Variants in GMDS observed in about 807,000 individuals in gnomAD.
GMDS encodes the protein GDP-mannose 4,6-dehydratase, also known as GDP-mannose 4,6 dehydratase.
Under a neutral mutation model 49.9 loss-of-function variants are expected in GMDS, and 20 were observed. The observed-to-expected ratio is 0.40, with a 90% CI of 0.28 to 0.58. The LOEUF is 0.58. Among genes scored for constraint, GMDS ranks in the 20% least tolerant of loss-of-function variants. The pLI, the probability that GMDS is intolerant of heterozygous loss-of-function variation, is 0.42. For synonymous variants in GMDS, 177 were observed against 178.6 expected, an observed-to-expected ratio of 0.99 and a Z score of 0.07; for missense variants, 362 against 481.4, an observed-to-expected ratio of 0.75 and a Z score of 2.32.
intron 4 of GMDS, among the ~76,000 whole-genome samples, chr6:2,042,778 AT>A (rs1769763422): frequency 6.6e-6 from 1 of 152,142 alleles, no homozygotes; most frequent in African/African-American, 2.4e-5. Flanking sequence ...GAAACTTAAT[AT>A]TTTTTAAAGA....
At chr6:1,887,209 T>C (rs1482447284) in intron 7 of GMDS, among the ~76,000 whole-genome samples, 2 of 152,138 alleles carry the variant, frequency 1.3e-5, no homozygotes, top group Non-Finnish European at 2.9e-5. Context: ...CAAGTAGATA[T>C]CATTACCACT....
At chr6:1,650,137 TTTTCC>T (rs1367108738) in intron 9 of GMDS, among the ~76,000 whole-genome samples, 6 of 152,196 alleles carry the variant, frequency 3.9e-5, no homozygotes, top group African/African-American at 1.4e-4. Context: ...GATGGCCTCC[TTTTCC>T]TTTCCTCATC....
At chr6:1,728,945 T>TAA (rs1403274959) in intron 8 of GMDS, among the ~76,000 whole-genome samples, 6 of 135,746 alleles carry the variant, frequency 4.4e-5, no homozygotes, top group South Asian at 2.4e-4. Context: ...TCCAGGACAG[T>TAA]AAAAAAAAAA....
At chr6:1,813,235 A>C (rs866940871) in intron 7 of GMDS, among the ~76,000 whole-genome samples, 4 of 151,350 alleles carry the variant, frequency 2.6e-5, no homozygotes, top group South Asian at 2.1e-4. Context: ...AAAAAAAAAA[A>C]AAAAAAAAAA....
At position 1,766,663 on chromosome 6, in the gene GMDS, C is replaced by A. The variant is rs1768367063; in HGVS notation, c.772-24077G>T. ...GCAGAGGCTCTCCCCTTCTAGAAGGCCCAGCAAGCGCCCCGTTTCCCACAG... is the reference window on the plus strand; with the variant it reads ...GCAGAGGCTCTCCCCTTCTAGAAGGACCAGCAAGCGCCCCGTTTCCCACAG... On this transcript the variant is annotated intron_variant, in intron 7 of 10. Coordinates refer to ENST00000380815, the MANE Select transcript of GMDS (RefSeq NM_001500.4). This position sits in a 1 kb window ranked among gnomAD's most constrained non-coding sequence, Gnocchi z 4.5. Among the ~76,000 whole-genome samples, 1 of 152,168 alleles carries A rather than the reference C, an allele frequency of 6.6e-6. No homozygotes were observed. The highest frequency in any genetic ancestry group is 6.5e-5 in the Admixed American group (1 of 15,284).
intron 7 of GMDS, among the ~76,000 whole-genome samples, chr6:1,769,300 T>C (rs1357370677): frequency 1.3e-5 from 2 of 152,172 alleles, no homozygotes; most frequent in African/African-American, 4.8e-5. Flanking sequence ...GTAAACAGAA[T>C]TCTGGAATGT....
At chr6:2,034,448 G>A (rs1295971943) in intron 4 of GMDS, among the ~76,000 whole-genome samples, 3 of 152,120 alleles carry the variant, frequency 2.0e-5, no homozygotes, top group Admixed American at 2.0e-4. Context: ...CTTTCTGTTC[G>A]GGGTGATGAC....
chr6:2,228,605 A>G (rs1780928539), intron 1 of GMDS, among the ~76,000 whole-genome samples: 2 of 152,218 alleles, frequency 1.3e-5, no homozygotes, highest in South Asian at 4.1e-4. Flanking sequence ...AAATCCTTCC[A>G]AAGAAAACTT....
chr6:1,782,272 T>A (rs1031270384), intron 7 of GMDS, among the ~76,000 whole-genome samples: 33 of 152,154 alleles, frequency 2.2e-4, no homozygotes, highest in African/African-American at 8.0e-4. Context: ...ACCAAACCAA[T>A]AAGCCTAAAC....
chr6:2,093,390 T>C (rs1773426464), intron 4 of GMDS, among the ~76,000 whole-genome samples: 1 of 152,280 alleles, frequency 6.6e-6, no homozygotes, highest in Non-Finnish European at 1.5e-5. Flanking sequence ...AAAACAAAAA[T>C]ATAAATTTGA....
rs772216338 is a variant in GMDS at position 1,635,663 on chromosome 6, C to T, written c.988-11123G>A. ...CTGAGGGTCTGTGCTGTGCAAAGCC[C>T]ACCGGGGGGTGTGGCCCTCAAGTCT... On this transcript the variant is annotated intron_variant, in intron 9 of 10. Transcript: ENST00000380815. This position sits in a 1 kb window ranked among gnomAD's most constrained non-coding sequence, Gnocchi z 4.7. Among the ~76,000 whole-genome samples the T allele has an allele frequency of 6.6e-6, 1 of 152,170 alleles. No individual in the cohort carries two copies. Among genetic ancestry groups the T allele is most frequent in the Non-Finnish European group, 1.5e-5 (1 of 68,034 alleles).
chr6:1,990,470 C>A (rs1765863234), intron 4 of GMDS, among the ~76,000 whole-genome samples: 1 of 152,198 alleles, frequency 6.6e-6, no homozygotes, highest in African/African-American at 2.4e-5. Context: ...CACTTTCTTT[C>A]AGTAATCTGG....
At chr6:1,988,357 A>T (rs957739830) in intron 4 of GMDS, among the ~76,000 whole-genome samples, 10 of 134 alleles carry the variant, frequency 0.075, no homozygotes, top group Admixed American at 0.19. Flanking sequence ...ATACAAGTTA[A>T]AAAAAAAAAA....
At chr6:1,994,639 A>C (rs1766164078) in intron 4 of GMDS, among the ~76,000 whole-genome samples, 1 of 151,908 alleles carries the variant, frequency 6.6e-6, no homozygotes, top group Non-Finnish European at 1.5e-5. Flanking sequence ...GCACAATCAG[A>C]AGTATGGGCA....
intron 9 of GMDS, among the ~76,000 whole-genome samples, chr6:1,632,404 C>A (rs953396278): frequency 1.3e-5 from 2 of 152,096 alleles, no homozygotes; most frequent in Admixed American, 6.5e-5. Context: ...GTTATAGAAA[C>A]GAGACTGGAG....
intron 1 of GMDS, among the ~76,000 whole-genome samples, chr6:2,126,466 G>C (rs1006652104): frequency 5.3e-5 from 8 of 152,150 alleles, no homozygotes; most frequent in Non-Finnish European, 2.9e-5. Context: ...CTTATTACTT[G>C]ACCAAAAGCT....
chr6:2,231,880 G>A (rs1018476577), intron 1 of GMDS, among the ~76,000 whole-genome samples: 5 of 152,154 alleles, frequency 3.3e-5, no homozygotes, highest in South Asian at 2.1e-4. Flanking sequence ...TTTCGGTTCT[G>A]AGCAAATGAA....
chr6:1,860,267 C>T (rs914388098), intron 7 of GMDS, among the ~76,000 whole-genome samples: 4 of 152,080 alleles, frequency 2.6e-5, no homozygotes, highest in Non-Finnish European at 5.9e-5. Context: ...TTGATCTATA[C>T]AATAGATTAC....
intron 1 of GMDS, among the ~76,000 whole-genome samples, chr6:2,152,086 T>C (rs947959365): frequency 6.6e-6 from 1 of 152,142 alleles, no homozygotes; most frequent in Admixed American, 6.5e-5. Flanking sequence ...ACACAGATAG[T>C]TCTCTAATCT....
Sources: gnomAD v4.1 joint callset for allele counts (sites outside exome capture counted in the v4.1 genomes callset) on GRCh38, gnomAD v4.1.1 for gene constraint, Gnocchi (gnomAD v3.1) non-coding constraint, MANE v1.5 for transcripts, NCBI Gene and HGNC (gene_info 2026-07-23, HGNC 2026-07-21) for gene names.